GFRA3: variants seen among roughly 807,000 people sequenced by gnomAD.
GFRA3 encodes the protein GDNF family receptor alpha 3, also known as GDNF family receptor alpha-3.
Under a neutral mutation model 40.0 loss-of-function variants are expected in GFRA3, and 24 were observed. The observed-to-expected ratio is 0.60, with a 90% confidence interval of 0.43 to 0.84. The LOEUF (loss-of-function observed/expected upper bound fraction) is 0.84, where lower values mean the gene tolerates loss of function less well. Ranked by LOEUF, GFRA3 falls within the 40% of genes least tolerant of loss-of-function variation. The pLI is 0.00. For missense variants in GFRA3, 405 were observed against 530.6 expected, an observed-to-expected ratio of 0.76 and a Z score of 2.33; for synonymous variants, 203 against 213.5, an observed-to-expected ratio of 0.95 and a Z score of 0.43.
chr5:138,254,990 A>C (rs901524183), intron 4 of GFRA3, among the ~76,000 whole-genome samples: 6 of 149,920 alleles, frequency 4.0e-5, no homozygotes, highest in Non-Finnish European at 8.9e-5. Flanking sequence ...AGGAGAAAAG[A>C]GAGAAGAGAA....
intron 1 of GFRA3, among the ~76,000 whole-genome samples, chr5:138,266,304 G>T (rs144305715): frequency 1.8e-4 from 28 of 152,172 alleles, no homozygotes; most frequent in African/African-American, 6.0e-4. Flanking sequence ...TGTACAAGGA[G>T]TCTAGTTTCT....
intron 2 of GFRA3, among the ~76,000 whole-genome samples, chr5:138,263,262 C>T (rs778491987): frequency 3.9e-5 from 6 of 152,154 alleles, no homozygotes; most frequent in African/African-American, 1.2e-4. Context: ...CCACCACACC[C>T]GGCTTGATGT....
At chr5:138,265,410 G>T (rs2126617490) in intron 1 of GFRA3, among the ~76,000 whole-genome samples, 1 of 151,954 alleles carries the variant, frequency 6.6e-6, no homozygotes, top group East Asian at 1.9e-4. Flanking sequence ...TAGAGACGGG[G>T]TTTCTCCATA....
chr5:138,253,431 G>T, intron 6 of GFRA3, 56 bp from the exon 7 acceptor site: 2 of 1,146,448 alleles, frequency 1.7e-6, no homozygotes, highest in South Asian at 1.3e-5. Flanking sequence ...GATTTCTCAG[G>T]CTCCCAAGGA....
chr5:138,262,211 T>G (rs114416826), intron 2 of GFRA3, among the ~76,000 whole-genome samples: 1 of 152,120 alleles, frequency 6.6e-6, no homozygotes, highest in East Asian at 1.9e-4. Context: ...TCAGGGAGAA[T>G]GTAGTCCCTA....
At chr5:138,269,173 A>G (rs1409185632) in intron 1 of GFRA3, among the ~76,000 whole-genome samples, 2 of 152,154 alleles carry the variant, frequency 1.3e-5, no homozygotes, top group African/African-American at 4.8e-5. Context: ...ATCAGGGAAC[A>G]CTTCTACACT....
At chr5:138,261,994 G>A (rs1334942181) in intron 2 of GFRA3, among the ~76,000 whole-genome samples, 1 of 152,164 alleles carries the variant, frequency 6.6e-6, no homozygotes, top group Admixed American at 6.5e-5. Flanking sequence ...CTAATTAGGT[G>A]TAGAAAAAGA....
chr5:138,256,547 AAAC>A (rs1693478340), intron 4 of GFRA3, among the ~76,000 whole-genome samples: 2 of 128,726 alleles, frequency 1.6e-5, no homozygotes, highest in Non-Finnish European at 3.5e-5. Flanking sequence ...AAACAAAAAA[AAAC>A]AAACAAAAAA....
chr5:138,261,597 G>C (rs1755710703), intron 2 of GFRA3, among the ~76,000 whole-genome samples: 1 of 150,540 alleles, frequency 6.6e-6, no homozygotes, highest in Non-Finnish European at 1.5e-5. Context: ...AGGAGGCTGA[G>C]GCAGGAGAAT....
Position 138,253,046 on chromosome 5 carries a change from A to G in GFRA3, c.1125T>C (p.Pro375=), listed in dbSNP as rs539839086. The change falls in exon 8 of 8, where the codon CCT becomes CCC. Residue 375 remains proline (P), a synonymous_variant. Coordinates refer to ENST00000274721, the MANE Select transcript of GFRA3 (RefSeq NM_001496.4). ...GCACCCAGGGCTGTGGCCTCACAGCAGGGTTTTCATTCTGTGGAAGAAATG... is the reference window on the plus strand; with the variant it reads ...GCACCCAGGGCTGTGGCCTCACAGCGGGGTTTTCATTCTGTGGAAGAAATG... ...FAVMAHQNEN[P]AVRPQPWVPS... 9.4e-6 allele frequency: 15 copies of G among 1,588,978 alleles called. No homozygotes were observed. The African/African-American group carries it at 1.6e-4, about 17-fold the overall frequency.
chr5:138,274,395 C>G lies in GFRA3; in HGVS notation c.30G>C (p.Leu10=). 1 of 1,315,846 alleles carries G rather than the reference C, an allele frequency of 7.6e-7. No individual in the cohort carries two copies. The highest frequency in any genetic ancestry group is 2.4e-5 in the South Asian group (1 of 42,366). 81.5% of individuals were successfully genotyped at this position (1,315,846 alleles called of 1,614,324 possible). A position where few individuals can be genotyped will look rare whatever the true frequency, so the allele number is the denominator to read the frequency against. The change falls in exon 1 of 8, where the codon CTG becomes CTC. Residue 10 remains leucine, a synonymous_variant. Coordinates refer to ENST00000274721, the MANE Select transcript of GFRA3 (RefSeq NM_001496.4). ...GCAGCAACATCAGGACTACGGGCGG[C>G]AGCGGTCGCGGGTTCAGGGGGCGCA... The part of the protein sequence containing the change: MVRPLNPRP[L]PPVVLMLLLL...
intron 4 of GFRA3, 85 bp downstream of exon 4, chr5:138,257,554 C>A: frequency 8.2e-7 from 1 of 1,214,104 alleles, no homozygotes; most frequent in South Asian, 1.4e-5. Context: ...CTGGGAGGGT[C>A]AGACCCTGCT....
At chr5:138,256,723 T>G (rs1431702229) in intron 4 of GFRA3, among the ~76,000 whole-genome samples, 5 of 151,734 alleles carry the variant, frequency 3.3e-5, no homozygotes, top group Non-Finnish European at 7.4e-5. Context: ...CCAAAGCAGG[T>G]GGATCACAGG....
chr5:138,255,337 C>T (rs1420890100), intron 4 of GFRA3, among the ~76,000 whole-genome samples: 2 of 152,068 alleles, frequency 1.3e-5, no homozygotes, highest in African/African-American at 4.8e-5. Flanking sequence ...AGTAACTTGC[C>T]GAAGGTTACA....
At chr5:138,266,459 A>G (rs1233650963) in intron 1 of GFRA3, among the ~76,000 whole-genome samples, 1 of 152,186 alleles carries the variant, frequency 6.6e-6, no homozygotes, top group African/African-American at 2.4e-5. Context: ...CTTGTTAGCC[A>G]TTTGTACATC....
At chr5:138,265,032 A>G (rs1023261336) in intron 1 of GFRA3, among the ~76,000 whole-genome samples, 35 of 152,114 alleles carry the variant, frequency 2.3e-4, no homozygotes, top group African/African-American at 7.5e-4. Flanking sequence ...TGGGGTAGAG[A>G]GCTAATTCCA....
chr5:138,274,404 CG>C lies in GFRA3; in HGVS notation c.20del (p.Pro7ArgfsTer7). 1 of 1,312,710 alleles carries C rather than the reference CG, an allele frequency of 7.6e-7. No homozygotes were observed. Among genetic ancestry groups the C allele is most frequent in the Non-Finnish European group, 9.7e-7 (1 of 1,026,002 alleles). 81.3% of individuals were successfully genotyped at this position (1,312,710 alleles called of 1,614,324 possible). A position where few individuals can be genotyped will look rare whatever the true frequency, so the allele number is the denominator to read the frequency against. On this transcript the variant is annotated frameshift_variant, in exon 1 of 8. Transcript: ENST00000274721. LOFTEE classifies it high-confidence loss of function. MVRPLN[P>X]RPLPPVVLML... is the part of the protein sequence containing the mutation. ...TCAGGACTACGGGCGGCAGCGGTCGCGGGTTCAGGGGGCGCACCATGGCGAG... is the reference window on the plus strand; with the variant it reads ...TCAGGACTACGGGCGGCAGCGGTCGCGGTTCAGGGGGCGCACCATGGCGAG...
In GFRA3 at chr5:138,252,948, A is replaced by G. The variant is rs1755569995; in HGVS notation, c.*20T>C. The G allele has an allele frequency of 7.8e-6, 11 of 1,401,702 alleles. No homozygotes were observed. Among genetic ancestry groups the G allele is most frequent in the Non-Finnish European group, 1.0e-5 (10 of 987,568 alleles). The allele number at this position is 1,401,702 out of a possible 1,614,324, so 86.8% of individuals were successfully genotyped here. On this transcript the variant is annotated 3_prime_UTR_variant, in exon 8 of 8. Transcript: ENST00000274721. ...CCACCTGGGTGTGGTGGAGGGGAAGAGGGCCCTGGGGAAGTCCAGCTACCA... is the reference window on the plus strand; with the variant it reads ...CCACCTGGGTGTGGTGGAGGGGAAGGGGGCCCTGGGGAAGTCCAGCTACCA...
At chr5:138,263,385 C>A (rs1014528811) in intron 2 of GFRA3, among the ~76,000 whole-genome samples, 1 of 152,174 alleles carries the variant, frequency 6.6e-6, no homozygotes, top group Non-Finnish European at 1.5e-5. Flanking sequence ...ATTATTGTTT[C>A]CAATCATTCT....
Sources: allele counts gnomAD v4.1 joint callset (sites outside exome capture counted in the v4.1 genomes callset), GRCh38; gene constraint gnomAD v4.1.1; transcripts MANE v1.5; gene names NCBI Gene and HGNC (gene_info 2026-07-23, HGNC 2026-07-21).